TENM1: variants seen among roughly 807,000 people sequenced by gnomAD.
TENM1 encodes teneurin transmembrane protein 1.
A neutral mutation model predicts 174.8 loss-of-function variants in TENM1; 35 were observed. The ratio of observed to expected loss-of-function variants is 0.20; its 90% CI spans 0.15 to 0.27. TENM1 has a LOEUF of 0.27. TENM1 is among the 10% of genes least tolerant of loss of function. The probability of loss-of-function intolerance (pLI) is 1.00; values close to 1 mark genes in which losing one functional copy is unlikely to be tolerated. For missense variants in TENM1, 1,633 were observed against 2,130.1 expected, an observed-to-expected ratio of 0.77 and a Z score of 4.59; for synonymous variants, 781 against 798.7, an observed-to-expected ratio of 0.98 and a Z score of 0.37.
the TENM1 span, among the ~76,000 whole-genome samples, chrX:124,998,476 C>T: frequency 1.0e-5 from 1 of 99,559 alleles, no homozygotes; most frequent in East Asian, 2.9e-4. Flanking sequence ...ACAAGTATTT[C>T]TAAAAAAAAA....
At chrX:124,400,128 AT>A (rs1429575466) in intron 27 of TENM1, among the ~76,000 whole-genome samples, 1 of 111,746 alleles carries the variant, frequency 8.9e-6, no homozygotes, top group Non-Finnish European at 1.9e-5. Flanking sequence ...AAAACTGCAG[AT>A]ATATTTTTAA....
rs780765956 is a variant in TENM1, at chrX:124,869,999, A to G, written c.535+24297T>C. 1.1e-4 allele frequency among the ~76,000 whole-genome samples: 12 copies of G among 111,850 alleles called. No individual in the cohort carries two copies. The South Asian group carries it at 4.5e-3, about 42-fold the overall frequency. The stretch of plus-strand genomic sequence containing the variant: ...TGTAATTGGAGTGTTTGTAACTCAA[A>G]GGATAAATGCTTGAGGGGATGGATA... On this transcript the variant is annotated intron_variant, in intron 3 of 31. Transcript: ENST00000422452.
At chrX:124,941,515 C>G (rs2058325917) in intron 1 of TENM1, among the ~76,000 whole-genome samples, 1 of 111,923 alleles carries the variant, frequency 8.9e-6, no homozygotes, top group Non-Finnish European at 1.9e-5. Context: ...AGTGTGATCA[C>G]ACCAGTCTCA....
the TENM1 span, among the ~76,000 whole-genome samples, chrX:125,151,493 G>C: frequency 3.6e-5 from 4 of 112,217 alleles, no homozygotes; most frequent in Non-Finnish European, 5.6e-5. Flanking sequence ...ATATAATCAT[G>C]TCACAATCAT....
chrX:124,447,070 T>C (rs1603270102), intron 23 of TENM1, among the ~76,000 whole-genome samples: 1 of 111,188 alleles, frequency 9.0e-6, no homozygotes, highest in Admixed American at 9.6e-5. Flanking sequence ...TACTGAAATA[T>C]GAAACTCAGC....
intron 25 of TENM1, among the ~76,000 whole-genome samples, chrX:124,417,134 G>A (rs1313670896): frequency 8.9e-6 from 1 of 112,215 alleles, no homozygotes; most frequent in Non-Finnish European, 1.9e-5. Context: ...CACTCTCCTA[G>A]TTTTCTTTCC....
At chrX:124,540,417 T>G (rs1275752970) in intron 15 of TENM1, among the ~76,000 whole-genome samples, 1 of 112,193 alleles carries the variant, frequency 8.9e-6, no homozygotes, top group African/African-American at 3.2e-5. Flanking sequence ...AAATATATAC[T>G]TAAAACAGTA....
At chrX:124,846,241 G>A (rs1279479922) in intron 3 of TENM1, among the ~76,000 whole-genome samples, 1 of 110,889 alleles carries the variant, frequency 9.0e-6, no homozygotes, top group Non-Finnish European at 1.9e-5. Flanking sequence ...AGCAGGTGGT[G>A]ACCACTGTTT....
chrX:124,968,472 T>C (rs1196308407), upstream of TENM1, among the ~76,000 whole-genome samples: 6 of 111,843 alleles, frequency 5.4e-5, no homozygotes, highest in East Asian at 1.7e-3. Context: ...TCCATAGGTT[T>C]ATTTGTAACG....
intron 8 of TENM1, among the ~76,000 whole-genome samples, chrX:124,651,404 T>TA (rs979377135): frequency 8.9e-6 from 1 of 112,061 alleles, no homozygotes; most frequent in African/African-American, 3.2e-5. Flanking sequence ...AGAAAGGGCT[T>TA]TGAATGTCTC....
intron 22 of TENM1, among the ~76,000 whole-genome samples, chrX:124,465,493 C>A (rs529669979): frequency 9.0e-6 from 1 of 111,469 alleles, no homozygotes; most frequent in South Asian, 3.9e-4. Flanking sequence ...CTCAAGTGAT[C>A]CTCCTATCTT....
rs778090628 is a variant in TENM1, at chrX:124,817,089, C to T, written c.535+77207G>A. ...ATGTGTGATGTTCCCCTCCCTGTGT[C>T]CATGTGTTCTCATTGTTCAACTCCC... On this transcript the variant is annotated intron_variant, in intron 3 of 31. Coordinates refer to ENST00000422452, the Ensembl canonical transcript of TENM1. Among the ~76,000 whole-genome samples the T allele has an allele frequency of 5.7e-4, 63 of 110,448 alleles. 1 individual carries two copies. Among genetic ancestry groups the T allele is most frequent in the Admixed American group, 3.9e-4 (4 of 10,306 alleles).
the TENM1 span, among the ~76,000 whole-genome samples, chrX:125,192,954 C>T: frequency 6.3e-5 from 7 of 111,618 alleles, no homozygotes; most frequent in African/African-American, 2.3e-4. Context: ...ATGTTGATTA[C>T]TGAAGGTTGA....
chrX:124,823,913 C>T (rs898464935), intron 3 of TENM1, among the ~76,000 whole-genome samples: 80 of 111,467 alleles, frequency 7.2e-4, no homozygotes, highest in African/African-American at 2.4e-3. Flanking sequence ...ATGATCATCA[C>T]ATAGATACTG....
intron 25 of TENM1, among the ~76,000 whole-genome samples, chrX:124,409,779 A>G (rs1376040146): frequency 9.2e-6 from 1 of 108,504 alleles, no homozygotes; most frequent in African/African-American, 3.4e-5. Flanking sequence ...ATTGCTTCAA[A>G]GAGAATAAAA....
intron 19 of TENM1, among the ~76,000 whole-genome samples, chrX:124,500,621 G>A (rs1301278028): frequency 3.6e-5 from 4 of 111,404 alleles, no homozygotes; most frequent in Non-Finnish European, 5.7e-5. Context: ...ACTGAATGGG[G>A]CTTACTGCAC....
the TENM1 span, among the ~76,000 whole-genome samples, chrX:125,114,165 G>A: frequency 9.0e-6 from 1 of 111,474 alleles, no homozygotes; most frequent in Non-Finnish European, 1.9e-5. Flanking sequence ...AAGACTACTG[G>A]ATAAATAACG....
chrX:124,851,325 T>C (rs2056715682), intron 3 of TENM1, among the ~76,000 whole-genome samples: 1 of 111,790 alleles, frequency 8.9e-6, no homozygotes, highest in Non-Finnish European at 1.9e-5. Context: ...GAGAAGTCCT[T>C]TGAATGATAT....
chrX:125,173,978 A>T, the TENM1 span, among the ~76,000 whole-genome samples: 1 of 111,889 alleles, frequency 8.9e-6, no homozygotes, highest in Non-Finnish European at 1.9e-5. Flanking sequence ...AAAGGACATT[A>T]TGAAGCAATG....
Sources: gnomAD v4.1 joint callset for allele counts (sites outside exome capture counted in the v4.1 genomes callset) on GRCh38, gnomAD v4.1.1 for gene constraint, MANE v1.5 for transcripts, NCBI Gene and HGNC (gene_info 2026-07-23, HGNC 2026-07-21) for gene names.